Variants in ERBB4 observed in about 807,000 individuals in gnomAD.
The protein encoded by ERBB4 is receptor tyrosine-protein kinase erbB-4.
In ERBB4, 42 loss-of-function variants were observed where a neutral mutation model predicts 158.0. The ratio of observed to expected loss-of-function variants is 0.27; its 90% CI spans 0.21 to 0.34. The LOEUF is 0.34. Among genes scored for constraint, ERBB4 ranks in the 10% least tolerant of loss-of-function variants. The probability of loss-of-function intolerance (pLI) is 1.00; values close to 1 mark genes in which losing one functional copy is unlikely to be tolerated. For missense variants in ERBB4, 1,333 were observed against 1,624.1 expected (o/e 0.82, Z 3.08); for synonymous variants, 583 against 558.7 (o/e 1.04, Z -0.61).
chr2:212,172,755 T>TG (rs1294387924), intron 1 of ERBB4, among the ~76,000 whole-genome samples: 1 of 151,276 alleles, frequency 6.6e-6, no homozygotes, highest in Non-Finnish European at 1.5e-5. Flanking sequence ...CAAATGGGGG[T>TG]GGAAAAACTC....
chr2:212,377,462 A>G (rs185642207), intron 1 of ERBB4, among the ~76,000 whole-genome samples: 77 of 151,846 alleles, frequency 5.1e-4, no homozygotes, highest in African/African-American at 1.7e-3. Context: ...CAAGCTACAA[A>G]CCTGCACTGC....
chr2:212,091,299 T>C (rs1244454658), intron 2 of ERBB4, among the ~76,000 whole-genome samples: 2 of 152,174 alleles, frequency 1.3e-5, no homozygotes, highest in African/African-American at 2.4e-5. Context: ...AGCTTATTTA[T>C]TGCAATAAAC....
intron 20 of ERBB4, among the ~76,000 whole-genome samples, chr2:211,540,188 T>TTATATATATA (rs571359851): frequency 2.1e-5 from 3 of 143,916 alleles, no homozygotes; most frequent in Admixed American, 7.1e-5. Context: ...CCTACATGAT[T>TTATATATATA]TATATATATA....
rs571753883 is a variant in ERBB4, at chr2:212,076,722, A to G, written c.234+48030T>C. On this transcript the variant is annotated intron_variant, in intron 2 of 27. Transcript: ENST00000342788. ...GCTATTCTTAGAAAAAGGGTCCCCT[A>G]TGTTAAAAAGCCACCGACACAAAAC... Among the ~76,000 whole-genome samples, 8 of 152,116 alleles carry G rather than the reference A, an allele frequency of 5.3e-5. No homozygotes were observed. In the South Asian group the frequency reaches 1.7e-3, roughly 32 times the overall value.
chr2:211,846,866 T>C (rs2077601653), intron 3 of ERBB4, among the ~76,000 whole-genome samples: 1 of 152,106 alleles, frequency 6.6e-6, no homozygotes, highest in African/African-American at 2.4e-5. Context: ...GTTCCCTATT[T>C]CACATCTAAT....
intron 20 of ERBB4, among the ~76,000 whole-genome samples, chr2:211,471,457 T>C (rs1403330031): frequency 1.3e-5 from 2 of 152,154 alleles, no homozygotes; most frequent in Non-Finnish European, 2.9e-5. Flanking sequence ...GAAAAGTCAG[T>C]ACTTTAATAC....
intron 1 of ERBB4, among the ~76,000 whole-genome samples, chr2:212,269,441 T>C (rs368142251): frequency 3.3e-4 from 50 of 151,814 alleles, no homozygotes; most frequent in African/African-American, 8.5e-4. Context: ...AGCCAGCTGA[T>C]TGGCATGATC....
chr2:212,144,773 G>A lies in ERBB4; in HGVS notation c.83-19870C>T, dbSNP rs191406878. Among the ~76,000 whole-genome samples the A allele has an allele frequency of 6.5e-4, 99 of 152,092 alleles. 1 individual carries two copies. Among genetic ancestry groups the A allele is most frequent in the African/African-American group, 2.1e-3 (87 of 41,482 alleles). On this transcript the variant is annotated intron_variant, in intron 1 of 27. Transcript: ENST00000342788. ...GCAGGCCAGATGTAGTTCTTCTATC[G>A]CATAAAAAGTATTACAGAGATTTGT... is the stretch of plus-strand genomic sequence containing the variant.
chr2:211,893,360 T>G (rs1400315109), intron 3 of ERBB4, among the ~76,000 whole-genome samples: 3 of 143,642 alleles, frequency 2.1e-5, no homozygotes, highest in Middle Eastern at 3.3e-3. Context: ...TAGCCATATG[T>G]AGAAAGCTGA....
chr2:211,848,529 T>C (rs13013325), intron 3 of ERBB4, among the ~76,000 whole-genome samples: 33,225 of 151,922 alleles, frequency 0.22, 3,763 homozygotes, highest in South Asian at 0.33. Flanking sequence ...TCTTTAGGAA[T>C]TGGGAAGCAA....
At chr2:212,068,458 T>C (rs986277214) in intron 2 of ERBB4, among the ~76,000 whole-genome samples, 1 of 152,074 alleles carries the variant, frequency 6.6e-6, no homozygotes, top group Non-Finnish European at 1.5e-5. Flanking sequence ...TAATTTGTTG[T>C]CTGGCCTTCC....
At chr2:211,849,964 G>C (rs540220900) in intron 3 of ERBB4, among the ~76,000 whole-genome samples, 4 of 152,012 alleles carry the variant, frequency 2.6e-5, no homozygotes, top group Admixed American at 6.6e-5. Context: ...TCTCTTGCTA[G>C]GCTGTTTAAA....
At chr2:212,090,405 C>G (rs1211016143) in intron 2 of ERBB4, among the ~76,000 whole-genome samples, 1 of 152,064 alleles carries the variant, frequency 6.6e-6, no homozygotes, top group Non-Finnish European at 1.5e-5. Context: ...TTTCATGGCT[C>G]TATTTCTCCT....
intron 20 of ERBB4, among the ~76,000 whole-genome samples, chr2:211,462,125 G>A (rs914013534): frequency 6.6e-5 from 10 of 151,936 alleles, no homozygotes; most frequent in South Asian, 2.1e-4. Flanking sequence ...TTGGCTTCTC[G>A]GGGAGATCTC....
At chr2:212,415,648 A>T (rs2091630236) in intron 1 of ERBB4, among the ~76,000 whole-genome samples, 1 of 152,158 alleles carries the variant, frequency 6.6e-6, no homozygotes, top group Non-Finnish European at 1.5e-5. Context: ...AAATGTATTT[A>T]TTTAGAAGAC....
intron 1 of ERBB4, among the ~76,000 whole-genome samples, chr2:212,192,141 T>TA (rs2082291184): frequency 7.9e-6 from 1 of 126,590 alleles, no homozygotes; most frequent in Non-Finnish European, 1.6e-5. Context: ...ATGTTATCTA[T>TA]ATGTTATATA....
At chr2:211,447,526 A>C (rs149406519) in intron 20 of ERBB4, among the ~76,000 whole-genome samples, 2,009 of 152,318 alleles carry the variant, frequency 0.013, 22 homozygotes, top group Admixed American at 0.028. Context: ...TGGCAAAATA[A>C]TGTAAAGTCT....
chr2:211,792,269 C>T (rs151311714), intron 3 of ERBB4, among the ~76,000 whole-genome samples: 58 of 151,830 alleles, frequency 3.8e-4, no homozygotes, highest in Admixed American at 1.5e-3. Flanking sequence ...GAAGCTGTTA[C>T]TGTTTTGTTC....
At chr2:212,114,819 A>G (rs574502234) in intron 2 of ERBB4, among the ~76,000 whole-genome samples, 27 of 152,068 alleles carry the variant, frequency 1.8e-4, no homozygotes, top group South Asian at 4.1e-4. Context: ...CAAAAACTGA[A>G]CCTCCAAAAA....
Sources: gnomAD v4.1 joint callset for allele counts (sites outside exome capture counted in the v4.1 genomes callset) on GRCh38, gnomAD v4.1.1 for gene constraint, MANE v1.5 for transcripts, NCBI Gene and HGNC (gene_info 2026-07-23, HGNC 2026-07-21) for gene names.